The following ARL5B variants were observed in gnomAD, a reference collection of about 807,000 sequenced individuals.
ARL5B encodes ARF like GTPase 5B.
In ARL5B, 10 loss-of-function variants were observed where a neutral mutation model predicts 26.9. The observed-to-expected ratio is 0.37, with a 90% CI of 0.23 to 0.63. The LOEUF (loss-of-function observed/expected upper bound fraction) is 0.63, where lower values mean the gene tolerates loss of function less well. Among genes scored for constraint, ARL5B ranks in the 30% least tolerant of loss-of-function variants. The pLI is 0.62. For missense variants in ARL5B, 167 were observed against 213.9 expected (o/e 0.78, Z 1.37); for synonymous variants, 87 against 70.4 (o/e 1.24, Z -1.18).
chr10:18,675,369 A>G lies in ARL5B; in HGVS notation c.*153A>G. 1.5e-6 allele frequency: 1 copy of G among 668,208 alleles called. No individual in the cohort carries two copies. The highest frequency in any genetic ancestry group is 2.7e-5 in the East Asian group (1 of 36,888). The allele number at this position is 668,208 out of a possible 1,614,324, so 41.4% of individuals were successfully genotyped here. On this transcript the variant is annotated 3_prime_UTR_variant, in exon 6 of 6. Coordinates refer to ENST00000377275, the MANE Select transcript of ARL5B (RefSeq NM_178815.5). Reference sequence around the variant, plus strand: ...ATCAAGTGCAGCTGAACTGGAACATAAAAGATTTTTTCTTAACTTTTTTTT... The same window carrying G: ...ATCAAGTGCAGCTGAACTGGAACATGAAAGATTTTTTCTTAACTTTTTTTT...
chr10:18,666,183 A>T (rs1222561521), intron 1 of ARL5B, among the ~76,000 whole-genome samples: 1 of 152,242 alleles, frequency 6.6e-6, no homozygotes, highest in Admixed American at 6.5e-5. Context: ...ACATTTTGAT[A>T]AAAAGCTAAC....
rs567943077 is a variant in ARL5B, at chr10:18,673,072, G to GT, written c.339+375dup. Among the ~76,000 whole-genome samples, 884 of 150,384 alleles carry GT rather than the reference G, an allele frequency of 5.9e-3. 9 individuals carry two copies. The highest frequency in any genetic ancestry group is 0.02 in the African/African-American group (828 of 41,036). ...TTTTTTGTTTTTTGTTTTTGTTTTT[G>GT]TTTTTTTTGAGACGGAGTCTTGCTC... On this transcript the variant is annotated intron_variant, in intron 4 of 5. Coordinates refer to ENST00000377275, the MANE Select transcript of ARL5B (RefSeq NM_178815.5).
chr10:18,659,598 C>G lies in ARL5B; in HGVS notation c.-40C>G. On this transcript the variant is annotated 5_prime_UTR_variant, in exon 1 of 6. Transcript: ENST00000377275. ...GGTGGGGGACCCGGCGCAGCGGCAC[C>G]TGCTGCCGAGGGACCCCGCGGCCCG... 3 of 1,594,802 alleles carry G rather than the reference C, an allele frequency of 1.9e-6. No homozygotes were observed. The highest frequency in any genetic ancestry group is 2.6e-6 in the Non-Finnish European group (3 of 1,171,774).
chr10:18,664,965 A>G (rs146337697), intron 1 of ARL5B, among the ~76,000 whole-genome samples: 153 of 152,206 alleles, frequency 1.0e-3, no homozygotes, highest in South Asian at 6.4e-3. Flanking sequence ...TCCCAACAGG[A>G]TTATCTGCCT....
At position 18,680,040 on chromosome 10, in the gene ARL5B, G is replaced by C. The variant is rs998922207; in HGVS notation, c.*4824G>C. The C allele has an allele frequency of 6.6e-6, 1 of 151,860 alleles. No homozygotes were observed. Among genetic ancestry groups the C allele is most frequent in the Non-Finnish European group, 1.5e-5 (1 of 67,864 alleles). 9.4% of individuals were successfully genotyped at this position (151,860 alleles called of 1,614,324 possible). Reference sequence around the variant, plus strand: ...AAACCAGTAATCTACATTTTCTCCTGGAAATGGAGAAATATGAAATGTGCT... The same window carrying C: ...AAACCAGTAATCTACATTTTCTCCTCGAAATGGAGAAATATGAAATGTGCT... On this transcript the variant is annotated 3_prime_UTR_variant, in exon 6 of 6. Coordinates refer to ENST00000377275, the MANE Select transcript of ARL5B (RefSeq NM_178815.5).
In ARL5B at chr10:18,669,854, G is replaced by A. The variant is rs566906053; in HGVS notation, c.255+1177G>A. On this transcript the variant is annotated intron_variant, in intron 3 of 5. Transcript: ENST00000377275. ...TAAAAATACAAAAAACTAGCCGGGC[G>A]TGGTGGGGCAGACTTGTAGTCCCCA... 7.2e-5 allele frequency among the ~76,000 whole-genome samples: 11 copies of A among 151,946 alleles called. No individual in the cohort carries two copies. In the East Asian group the frequency reaches 1.7e-3, roughly 24 times the overall value.
At position 18,677,340 on chromosome 10, in the gene ARL5B, A is replaced by C. The variant is rs921072198; in HGVS notation, c.*2124A>C. ...ATTGTATTTTGCCAACTACTAGTAT[A>C]GACTCAAATTTGCTATTTAATTTTT... On this transcript the variant is annotated 3_prime_UTR_variant, in exon 6 of 6. Coordinates refer to ENST00000377275, the MANE Select transcript of ARL5B (RefSeq NM_178815.5). 2.0e-5 allele frequency: 3 copies of C among 152,258 alleles called. No homozygotes were observed. Among genetic ancestry groups the C allele is most frequent in the Non-Finnish European group, 2.9e-5 (2 of 67,808 alleles). 9.4% of individuals were successfully genotyped at this position (152,258 alleles called of 1,614,324 possible).
At position 18,676,580 on chromosome 10, in the gene ARL5B, T is replaced by C. The variant is rs753830930; in HGVS notation, c.*1364T>C. On this transcript the variant is annotated 3_prime_UTR_variant, in exon 6 of 6. Coordinates refer to ENST00000377275, the MANE Select transcript of ARL5B (RefSeq NM_178815.5). The stretch of plus-strand genomic sequence containing the variant: ...CGATCCTGTTTATTCAAATGTGTGA[T>C]TTTGCTGAAATGAAAGGGATAAAAT... 6.6e-6 allele frequency: 1 copy of C among 152,032 alleles called. No homozygotes were observed. Among genetic ancestry groups the C allele is most frequent in the Non-Finnish European group, 1.5e-5 (1 of 67,888 alleles). The allele number at this position is 152,032 out of a possible 1,614,324, so 9.4% of individuals were successfully genotyped here. A position where few individuals can be genotyped will look rare whatever the true frequency, so the allele number is the denominator to read the frequency against.
In ARL5B at chr10:18,678,963, A is replaced by T. The variant is rs2059921745; in HGVS notation, c.*3747A>T. ...AATGTCTTTTGGTTTTAAAATTCTG[A>T]ATGCTTATATACTACTATTAAAAAT... On this transcript the variant is annotated 3_prime_UTR_variant, in exon 6 of 6. Coordinates refer to ENST00000377275, the MANE Select transcript of ARL5B (RefSeq NM_178815.5). 1 of 151,880 alleles carries T rather than the reference A, an allele frequency of 6.6e-6. No homozygotes were observed. The highest frequency in any genetic ancestry group is 2.1e-4 in the South Asian group (1 of 4,830). 9.4% of individuals were successfully genotyped at this position (151,880 alleles called of 1,614,324 possible). A position where few individuals can be genotyped will look rare whatever the true frequency, so the allele number is the denominator to read the frequency against.
intron 1 of ARL5B, 162 bp downstream of exon 1, chr10:18,659,845 T>A: frequency 1.0e-6 from 1 of 985,202 alleles, no homozygotes; most frequent in Non-Finnish European, 1.2e-6. Context: ...CTGGAGGACG[T>A]ACAGGAGAGA....
Position 18,669,005 on chromosome 10 carries a change from G to A in ARL5B, c.255+328G>A, listed in dbSNP as rs555552869. ...AGGTTGGTCTTGAATTCGGGACCTC[G>A]TGATCCACCCTCCTTGGCCTCCCAA... On this transcript the variant is annotated intron_variant, in intron 3 of 5. Transcript: ENST00000377275. Among the ~76,000 whole-genome samples the A allele has an allele frequency of 1.6e-3, 245 of 152,188 alleles. 1 individual carries two copies. The highest frequency in any genetic ancestry group is 2.9e-3 in the Non-Finnish European group (197 of 68,016).
At chr10:18,670,642 G>T (rs554088152) in intron 3 of ARL5B, among the ~76,000 whole-genome samples, 3 of 152,186 alleles carry the variant, frequency 2.0e-5, no homozygotes, top group African/African-American at 7.2e-5. Context: ...AGGGACAAAT[G>T]ACATTGTAGC....
chr10:18,663,492 C>G (rs1307427540), intron 1 of ARL5B, among the ~76,000 whole-genome samples: 1 of 150,924 alleles, frequency 6.6e-6, no homozygotes. Context: ...TTACTTCTGA[C>G]TGCTCAGATC....
intron 1 of ARL5B, among the ~76,000 whole-genome samples, chr10:18,664,330 C>G (rs556735901): frequency 1.3e-5 from 2 of 151,558 alleles, no homozygotes; most frequent in East Asian, 3.9e-4. Flanking sequence ...TAACTGATCA[C>G]TTCTCCTTGG....
chr10:18,661,848 T>A (rs948654672), intron 1 of ARL5B, among the ~76,000 whole-genome samples: 4 of 152,156 alleles, frequency 2.6e-5, no homozygotes, highest in African/African-American at 9.7e-5. Flanking sequence ...ATGAGCTAGT[T>A]TGGTACTTTT....
intron 1 of ARL5B, among the ~76,000 whole-genome samples, chr10:18,661,072 C>T (rs1408164855): frequency 6.6e-6 from 1 of 152,162 alleles, no homozygotes; most frequent in Non-Finnish European, 1.5e-5. Flanking sequence ...TGGTCTCGAC[C>T]TTCTGACTTC....
At chr10:18,663,557 T>TA in intron 1 of ARL5B, among the ~76,000 whole-genome samples, 1 of 143,804 alleles carries the variant, frequency 7.0e-6, no homozygotes, top group East Asian at 2.1e-4. Context: ...TTTTTTTTTT[T>TA]TTTTTTTTTG....
chr10:18,678,000 C>CT lies in ARL5B; in HGVS notation c.*2784_*2785insT, dbSNP rs2059917551. ...TCAATTATCCTTGCAAGTTCAAATA[C>CT]AGCATTTTTCTTAATTTTGAGCGTG... On this transcript the variant is annotated 3_prime_UTR_variant, in exon 6 of 6. Coordinates refer to ENST00000377275, the MANE Select transcript of ARL5B (RefSeq NM_178815.5). 2.0e-5 allele frequency: 3 copies of CT among 151,864 alleles called. No homozygotes were observed. Among genetic ancestry groups the CT allele is most frequent in the Admixed American group, 1.3e-4 (2 of 15,246 alleles). 9.4% of individuals were successfully genotyped at this position (151,864 alleles called of 1,614,324 possible).
At chr10:18,663,712 C>G (rs1450297463) in intron 1 of ARL5B, among the ~76,000 whole-genome samples, 1 of 151,564 alleles carries the variant, frequency 6.6e-6, no homozygotes, top group African/African-American at 2.4e-5. Context: ...CCACGCCCGG[C>G]TGATTTTCTG....
Sources: gnomAD v4.1 joint callset for allele counts (sites outside exome capture counted in the v4.1 genomes callset) on GRCh38, gnomAD v4.1.1 for gene constraint, MANE v1.5 for transcripts, NCBI Gene and HGNC (gene_info 2026-07-23, HGNC 2026-07-21) for gene names.